PLXNA2: variants seen among roughly 807,000 people sequenced by gnomAD.
PLXNA2 encodes plexin-A2.
A neutral mutation model predicts 193.5 loss-of-function variants in PLXNA2; 91 were observed. The observed-to-expected ratio is 0.47, with a 90% CI of 0.40 to 0.56. The LOEUF is 0.56. PLXNA2 is among the 20% of genes least tolerant of loss of function. PLXNA2 has a pLI of 0.00. For synonymous variants in PLXNA2, 997 were observed against 1,027.3 expected (o/e 0.97, Z 0.56); for missense variants, 1,995 against 2,503.2 (o/e 0.80, Z 4.33).
intron 5 of PLXNA2, among the ~76,000 whole-genome samples, chr1:208,102,123 C>T (rs949317789): frequency 2.6e-5 from 4 of 152,218 alleles, no homozygotes; most frequent in Non-Finnish European, 5.9e-5. Flanking sequence ...GCAGGGAACC[C>T]AGTATTCACG....
chr1:208,199,739 C>T (rs1670480201), intron 3 of PLXNA2, among the ~76,000 whole-genome samples: 1 of 151,944 alleles, frequency 6.6e-6, no homozygotes, highest in African/African-American at 2.4e-5. Context: ...AGGGAAGGGC[C>T]CCAAAATTGG....
chr1:208,037,351 T>C (rs1664701989), intron 26 of PLXNA2, among the ~76,000 whole-genome samples: 1 of 152,122 alleles, frequency 6.6e-6, no homozygotes, highest in African/African-American at 2.4e-5. Context: ...AAGAGCATTT[T>C]TGGGGACCCC....
At chr1:208,162,077 T>C (rs1359579813) in intron 3 of PLXNA2, among the ~76,000 whole-genome samples, 1 of 152,174 alleles carries the variant, frequency 6.6e-6, no homozygotes, top group African/African-American at 2.4e-5. Flanking sequence ...ATCCTGCTTG[T>C]AGCTCCTTAG....
At chr1:208,194,297 C>G (rs1245803048) in intron 3 of PLXNA2, among the ~76,000 whole-genome samples, 3 of 151,712 alleles carry the variant, frequency 2.0e-5, no homozygotes, top group Non-Finnish European at 4.4e-5. Flanking sequence ...GGGAAAGGGC[C>G]GAATGAAAAT....
chr1:208,240,365 TG>T (rs1285080982), intron 1 of PLXNA2, among the ~76,000 whole-genome samples: 5 of 152,196 alleles, frequency 3.3e-5, no homozygotes, highest in African/African-American at 1.2e-4. Flanking sequence ...TGTTTGACCC[TG>T]GGAAGAACTG....
rs551508999 is a variant in PLXNA2, at chr1:208,173,032, T to C, written c.1372-30569A>G. 5.9e-5 allele frequency among the ~76,000 whole-genome samples: 9 copies of C among 152,330 alleles called. No individual in the cohort carries two copies. The South Asian group carries it at 1.7e-3, about 28-fold the overall frequency. ...ATATCTGAGAGGCAGTGTTGGGTAG[T>C]GATTAAGAGCAAAATCTACAACCAG... On this transcript the variant is annotated intron_variant, in intron 3 of 31. Transcript: ENST00000367033.
intron 12 of PLXNA2, among the ~76,000 whole-genome samples, chr1:208,072,489 G>A (rs1040395595): frequency 3.9e-5 from 6 of 152,212 alleles, no homozygotes; most frequent in African/African-American, 1.4e-4. Context: ...TTGCCTGCAA[G>A]TGTGAACTAC....
chr1:208,180,225 G>C (rs1451318031), intron 3 of PLXNA2, among the ~76,000 whole-genome samples: 1 of 151,848 alleles, frequency 6.6e-6, no homozygotes, highest in East Asian at 1.9e-4. Flanking sequence ...TGGGAAAGGG[G>C]GTGGAGTGGT....
At chr1:208,237,636 C>T (rs1282193529) in intron 1 of PLXNA2, among the ~76,000 whole-genome samples, 1 of 152,176 alleles carries the variant, frequency 6.6e-6, no homozygotes, top group Non-Finnish European at 1.5e-5. Flanking sequence ...AAATAGTCAT[C>T]CTTCTTCACA....
At chr1:208,135,551 T>C (rs1202225086) in intron 4 of PLXNA2, among the ~76,000 whole-genome samples, 1 of 152,174 alleles carries the variant, frequency 6.6e-6, no homozygotes, top group Non-Finnish European at 1.5e-5. Flanking sequence ...TTGATAGACC[T>C]CAGGTAGGAC....
chr1:208,237,290 T>G (rs1272623), intron 1 of PLXNA2, among the ~76,000 whole-genome samples: 66,761 of 152,014 alleles, frequency 0.44, 15,086 homozygotes, highest in Middle Eastern at 0.54. Flanking sequence ...ATCTTCCCTC[T>G]CAGGTCCTTC....
intron 3 of PLXNA2, among the ~76,000 whole-genome samples, chr1:208,170,731 T>C (rs1193611553): frequency 6.6e-6 from 1 of 152,244 alleles, no homozygotes; most frequent in Non-Finnish European, 1.5e-5. Context: ...ATAATCTACA[T>C]TGTTTTTAAT....
At chr1:208,141,175 C>G (rs146099108) in intron 4 of PLXNA2, among the ~76,000 whole-genome samples, 1 of 152,352 alleles carries the variant, frequency 6.6e-6, no homozygotes, top group African/African-American at 2.4e-5. Context: ...CATCTGTCCT[C>G]AAGAACTAAT....
intron 22 of PLXNA2, among the ~76,000 whole-genome samples, chr1:208,040,561 C>T (rs1664831000): frequency 6.6e-6 from 1 of 152,200 alleles, no homozygotes; most frequent in Non-Finnish European, 1.5e-5. Context: ...CCTGATTCTG[C>T]CATACGTTGG....
chr1:208,234,349 A>C (rs1671785061), intron 1 of PLXNA2, among the ~76,000 whole-genome samples: 1 of 152,342 alleles, frequency 6.6e-6, no homozygotes, highest in East Asian at 1.9e-4. Context: ...CTCTTTCTTA[A>C]AAAATAATAT....
Position 208,191,875 on chromosome 1 carries a change from G to T in PLXNA2, c.1371+18405C>A, listed in dbSNP as rs561394958. On this transcript the variant is annotated intron_variant, in intron 3 of 31. Coordinates refer to ENST00000367033, the MANE Select transcript of PLXNA2 (RefSeq NM_025179.4). ...AGCTGGGCACGGGGCAGGGCGAGGG[G>T]TTCCTAGTCTGAGAACACTGCACAC... Among the ~76,000 whole-genome samples the T allele has an allele frequency of 2.0e-4, 30 of 152,242 alleles. 1 individual carries two copies. The South Asian group carries it at 3.9e-3, about 20-fold the overall frequency.
intron 3 of PLXNA2, among the ~76,000 whole-genome samples, chr1:208,178,825 C>T (rs1392959727): frequency 6.6e-6 from 1 of 152,252 alleles, no homozygotes; most frequent in Non-Finnish European, 1.5e-5. Context: ...AATTCTCAGG[C>T]TCCATCTCAG....
chr1:208,153,741 G>A (rs1255780724), intron 3 of PLXNA2, among the ~76,000 whole-genome samples: 1 of 152,220 alleles, frequency 6.6e-6, no homozygotes, highest in Admixed American at 6.5e-5. Context: ...GGGAAGGGAA[G>A]TCAAGCCAGA....
chr1:208,051,040 C>T lies in PLXNA2; in HGVS notation c.3224G>A (p.Arg1075Gln), dbSNP rs1396192835. The T allele has an allele frequency of 3.1e-6, 5 of 1,614,016 alleles. No individual in the cohort carries two copies. The highest frequency in any genetic ancestry group is 4.2e-6 in the Non-Finnish European group (5 of 1,179,912). ...AGATTCTTTGCCATTGAATTTGACT[C>T]GGATCCTTGGCTCCTGAATGACATC... ...NLDVIQEPRI[R>Q]VKFNGKESVN... The change falls in exon 17 of 32, where the codon CGA (arginine) becomes CAA (glutamine). Residue 1075 changes from arginine (R) to glutamine (Q), a missense_variant. By Grantham distance (43) the Arg-to-Gln change is conservative (BLOSUM62 1). Coordinates refer to ENST00000367033, the MANE Select transcript of PLXNA2 (RefSeq NM_025179.4).
Sources: allele counts gnomAD v4.1 joint callset (sites outside exome capture counted in the v4.1 genomes callset), GRCh38; gene constraint gnomAD v4.1.1; transcripts MANE v1.5; gene names NCBI Gene and HGNC (gene_info 2026-07-23, HGNC 2026-07-21).